C2orf42: variants seen among roughly 807,000 people sequenced by gnomAD.
C2orf42 encodes the protein uncharacterized protein C2orf42.
C2orf42 carries 44 observed loss-of-function variants against 58.9 expected under a neutral mutation model. That is an observed-to-expected ratio of 0.75 (90% CI 0.59 to 0.96). The LOEUF (loss-of-function observed/expected upper bound fraction) is 0.96, where lower values mean the gene tolerates loss of function less well. C2orf42 is among the 40% of genes least tolerant of loss of function. C2orf42 has a pLI of 0.00. For missense variants in C2orf42, 630 were observed against 699.2 expected, an observed-to-expected ratio of 0.90 and a Z score of 1.12; for synonymous variants, 239 against 265.4, an observed-to-expected ratio of 0.90 and a Z score of 0.97.
chr2:70,185,314 A>AGG (rs1674857575), intron 1 of C2orf42, among the ~76,000 whole-genome samples: 2 of 152,048 alleles, frequency 1.3e-5, no homozygotes, highest in South Asian at 4.1e-4. Context: ...AGGCTGAGGC[A>AGG]GGGGAATCAC....
At chr2:70,153,417 G>A (rs1672434440) in intron 9 of C2orf42, among the ~76,000 whole-genome samples, 1 of 148,376 alleles carries the variant, frequency 6.7e-6, no homozygotes, top group African/African-American at 2.5e-5. Flanking sequence ...AGGCTGTAGT[G>A]GTGCGATCTC....
At chr2:70,171,305 A>G (rs78263828) in intron 5 of C2orf42, among the ~76,000 whole-genome samples, 3,051 of 152,198 alleles carry the variant, frequency 0.02, 82 homozygotes, top group African/African-American at 0.068. Flanking sequence ...ATAAATAAAA[A>G]TAATGGCTGT....
chr2:70,163,558 A>T (rs1287588002), intron 8 of C2orf42, among the ~76,000 whole-genome samples: 1 of 152,102 alleles, frequency 6.6e-6, no homozygotes, highest in East Asian at 1.9e-4. Context: ...AAAACATTTT[A>T]AAATGTGTAA....
intron 5 of C2orf42, among the ~76,000 whole-genome samples, chr2:70,171,151 C>G (rs1673789617): frequency 6.6e-6 from 1 of 151,808 alleles, no homozygotes; most frequent in Admixed American, 6.6e-5. Flanking sequence ...TGGTGCGTGA[C>G]TGTGGTCCCA....
chr2:70,178,029 G>A (rs1356762864), intron 4 of C2orf42, among the ~76,000 whole-genome samples: 1 of 152,128 alleles, frequency 6.6e-6, no homozygotes, highest in Admixed American at 6.6e-5. Flanking sequence ...AACAGAGTGA[G>A]AACTCATCTC....
Position 70,169,595 on chromosome 2 carries a change from G to A in C2orf42, c.1106C>T (p.Thr369Ile). Residue 369 changes from threonine to isoleucine, a missense_variant, in exon 6 of 10, where the codon ACA (threonine) becomes ATA (isoleucine). Physicochemically the swap from Thr to Ile is moderately conservative, Grantham distance 89. Transcript: ENST00000264434. ...GTGCATGGTTTGATGGATGCGTTCT[G>A]TGACACTGGCCAGCCAGTCTTGGAA... ...LSFQDWLASV[T>I]ERIHQTMHYQ... 2 of 1,608,076 alleles carry A rather than the reference G, an allele frequency of 1.2e-6. No individual in the cohort carries two copies. The highest frequency in any genetic ancestry group is 1.7e-6 in the Non-Finnish European group (2 of 1,174,702).
chr2:70,152,073 G>T (rs893038617), intron 9 of C2orf42, among the ~76,000 whole-genome samples: 1 of 152,046 alleles, frequency 6.6e-6, no homozygotes, highest in African/African-American at 2.4e-5. Context: ...CACTGCGCCT[G>T]GCTTATATTT....
intron 1 of C2orf42, among the ~76,000 whole-genome samples, chr2:70,183,973 T>G (rs1239218987): frequency 2.6e-5 from 4 of 152,038 alleles, no homozygotes; most frequent in Non-Finnish European, 4.4e-5. Context: ...GCCTGGCTAA[T>G]TTTTAAAAAA....
chr2:70,178,705 C>T (rs1389544701), intron 4 of C2orf42, among the ~76,000 whole-genome samples: 3 of 151,894 alleles, frequency 2.0e-5, no homozygotes, highest in South Asian at 2.1e-4. Flanking sequence ...GAAGCCAAAG[C>T]GGGTGGATCA....
intron 9 of C2orf42, among the ~76,000 whole-genome samples, chr2:70,152,899 G>C (rs566493828): frequency 1.1e-3 from 168 of 152,228 alleles, no homozygotes; most frequent in Non-Finnish European, 1.4e-3. Context: ...CAGGCGTGGT[G>C]GCACGCCCCT....
At chr2:70,183,798 AGT>A (rs1674743952) in intron 1 of C2orf42, among the ~76,000 whole-genome samples, 1 of 150,300 alleles carries the variant, frequency 6.7e-6, no homozygotes, top group Non-Finnish European at 1.5e-5. Context: ...CCTTCCTAAT[AGT>A]AATACATCAC....
rs1673659760 is a variant in C2orf42 at position 70,169,655 on chromosome 2, C to T, written c.1046G>A (p.Gly349Asp). The change falls in exon 6 of 10, where the codon GGT becomes GAT. Residue 349 changes from glycine to aspartate, a missense_variant. By Grantham distance (94) the Gly-to-Asp change is moderately conservative. Coordinates refer to ENST00000264434, the MANE Select transcript of C2orf42 (RefSeq NM_017880.3). ...CACTTGTGCCTCATCTAACAGCTGACCACAGGCTAGGGAAAAAAAAACCAC... is the reference window on the plus strand; with the variant it reads ...CACTTGTGCCTCATCTAACAGCTGATCACAGGCTAGGGAAAAAAAAACCAC... ...VASSLKRQAC[G>D]QLLDEAQVTL... 2.5e-6 allele frequency: 4 copies of T among 1,582,296 alleles called. No individual in the cohort carries two copies. Among genetic ancestry groups the T allele is most frequent in the South Asian group, 1.1e-5 (1 of 90,358 alleles).
At chr2:70,157,053 G>C (rs1017738928) in intron 9 of C2orf42, among the ~76,000 whole-genome samples, 2 of 152,114 alleles carry the variant, frequency 1.3e-5, no homozygotes, top group African/African-American at 4.8e-5. Flanking sequence ...ATAATTAAAG[G>C]CTTTTAGAAA....
chr2:70,180,916 T>G (rs556932659), intron 3 of C2orf42, among the ~76,000 whole-genome samples: 35 of 141,818 alleles, frequency 2.5e-4, no homozygotes, highest in African/African-American at 9.0e-4. Flanking sequence ...GGTGGTAGGA[T>G]CTCGAGCCTG....
At chr2:70,167,076 C>T (rs947287833) in intron 6 of C2orf42, among the ~76,000 whole-genome samples, 7 of 151,866 alleles carry the variant, frequency 4.6e-5, no homozygotes, top group South Asian at 4.1e-4. Flanking sequence ...AAGAACCTTG[C>T]GGCCAGGCAC....
At chr2:70,163,228 T>C (rs1572985314) in intron 8 of C2orf42, among the ~76,000 whole-genome samples, 1 of 151,312 alleles carries the variant, frequency 6.6e-6, no homozygotes, top group Admixed American at 6.6e-5. Context: ...ATTTTCAGGA[T>C]CTACTTGAAA....
chr2:70,182,582 G>A (rs1033760883), intron 2 of C2orf42, 85 bp downstream of exon 2: 5 of 152,176 alleles, frequency 3.3e-5, no homozygotes, highest in African/African-American at 1.2e-4. Flanking sequence ...ATGCCCAGAT[G>A]TCTAACTTCA....
chr2:70,172,832 C>G (rs1673918414), intron 5 of C2orf42, among the ~76,000 whole-genome samples: 1 of 152,046 alleles, frequency 6.6e-6, no homozygotes, highest in Admixed American at 6.6e-5. Context: ...TTGAAGCTAC[C>G]TTCCTTTTTC....
At chr2:70,187,280 C>T (rs976650565) in intron 1 of C2orf42, among the ~76,000 whole-genome samples, 3 of 152,048 alleles carry the variant, frequency 2.0e-5, no homozygotes, top group Non-Finnish European at 4.4e-5. Flanking sequence ...AACGGAGTTT[C>T]GCTCTTGTTG....
Sources: allele counts gnomAD v4.1 joint callset (sites outside exome capture counted in the v4.1 genomes callset), GRCh38; gene constraint gnomAD v4.1.1; transcripts MANE v1.5; gene names NCBI Gene and HGNC (gene_info 2026-07-23, HGNC 2026-07-21).